The following PAQR8 variants were observed in gnomAD, a reference collection of about 807,000 sequenced individuals.
PAQR8 encodes the protein membrane progestin receptor beta.
Under a neutral mutation model 25.2 loss-of-function variants are expected in PAQR8, and 17 were observed. The observed-to-expected ratio is 0.67, with a 90% CI of 0.46 to 1.01. PAQR8 has a LOEUF of 1.01. PAQR8 is among the 50% of genes least tolerant of loss of function. The probability of loss-of-function intolerance (pLI) is 0.00; values close to 1 mark genes in which losing one functional copy is unlikely to be tolerated. For synonymous variants in PAQR8, 204 were observed against 190.6 expected, an observed-to-expected ratio of 1.07 and a Z score of -0.58; for missense variants, 392 against 448.4, an observed-to-expected ratio of 0.87 and a Z score of 1.14.
Position 52,403,915 on chromosome 6 carries a change from C to T in PAQR8, c.702C>T (p.Leu234=). 6.2e-7 allele frequency: 1 copy of T among 1,614,246 alleles called. No individual in the cohort carries two copies. Among genetic ancestry groups the T allele is most frequent in the Non-Finnish European group, 8.5e-7 (1 of 1,180,042 alleles). Residue 234 remains leucine, a synonymous_variant, in exon 2 of 2, where the codon CTC becomes CTT. Coordinates refer to ENST00000442253, the MANE Select transcript of PAQR8 (RefSeq NM_133367.5). ...DISPVAHRVA[L]CHLAGCQEQA... is the part of the protein sequence containing the mutation. ...GCCCTGTGGCACACCGTGTGGCGCT[C>T]TGTCACCTGGCTGGCTGCCAGGAGC...
rs1195906563 is a variant in PAQR8 at position 52,404,902 on chromosome 6, C to T, written c.*624C>T. Reference sequence around the variant, plus strand: ...TTTTCTCTGACGTGCTGTTCACTCACATCCCTACCTTGCATGGTAATATAA... The same window carrying T: ...TTTTCTCTGACGTGCTGTTCACTCATATCCCTACCTTGCATGGTAATATAA... On this transcript the variant is annotated 3_prime_UTR_variant, in exon 2 of 2. Coordinates refer to ENST00000442253, the MANE Select transcript of PAQR8 (RefSeq NM_133367.5). 1 of 167,316 alleles carries T rather than the reference C, an allele frequency of 6.0e-6. No individual in the cohort carries two copies. The highest frequency in any genetic ancestry group is 1.9e-4 in the East Asian group (1 of 5,208). The allele number at this position is 167,316 out of a possible 1,614,324, so 10.4% of individuals were successfully genotyped here.
Position 52,370,975 on chromosome 6 carries a change from G to A in PAQR8, c.-53+8726G>A, listed in dbSNP as rs534891601. Among the ~76,000 whole-genome samples the A allele has an allele frequency of 2.0e-5, 3 of 152,128 alleles. No individual in the cohort carries two copies. In the South Asian group the frequency reaches 6.2e-4, roughly 32 times the overall value. ...ACTCATTGAAAAATATTTTTCAAGG[G>A]TCTACTTTACTATATGCTTGGTTGG... On this transcript the variant is annotated intron_variant, in intron 1 of 1. Coordinates refer to ENST00000442253, the MANE Select transcript of PAQR8 (RefSeq NM_133367.5).
At chr6:52,364,121 C>T (rs1763325849) in intron 1 of PAQR8, among the ~76,000 whole-genome samples, 1 of 110,548 alleles carries the variant, frequency 9.0e-6, no homozygotes, top group Non-Finnish European at 1.8e-5. Context: ...TGTGTATGCA[C>T]CAGATTTCCT....
At chr6:52,386,792 C>G (rs1254476913) in intron 1 of PAQR8, among the ~76,000 whole-genome samples, 1 of 152,142 alleles carries the variant, frequency 6.6e-6, no homozygotes, top group Non-Finnish European at 1.5e-5. Flanking sequence ...TTGTAACAAA[C>G]CTGCACATAT....
At chr6:52,395,504 G>A (rs1562433281) in intron 1 of PAQR8, among the ~76,000 whole-genome samples, 2 of 152,134 alleles carry the variant, frequency 1.3e-5, no homozygotes, top group East Asian at 3.9e-4. Context: ...GTCCTCCATG[G>A]GCACTTCAAA....
At chr6:52,390,999 C>T (rs747494344) in intron 1 of PAQR8, among the ~76,000 whole-genome samples, 65 of 152,214 alleles carry the variant, frequency 4.3e-4, no homozygotes, top group Middle Eastern at 3.4e-3. Context: ...TTAAAAAGTA[C>T]GATAATGATA....
At chr6:52,378,574 C>T (rs1384113043) in intron 1 of PAQR8, among the ~76,000 whole-genome samples, 1 of 151,314 alleles carries the variant, frequency 6.6e-6, no homozygotes, top group East Asian at 1.9e-4. Flanking sequence ...GGGCGGATCA[C>T]GAGGTCAGGA....
At chr6:52,390,674 G>A (rs1763695827) in intron 1 of PAQR8, among the ~76,000 whole-genome samples, 1 of 152,134 alleles carries the variant, frequency 6.6e-6, no homozygotes, top group Admixed American at 6.6e-5. Flanking sequence ...CAATCTAAGA[G>A]AACATCTTTG....
At chr6:52,382,180 C>T (rs1479544412) in intron 1 of PAQR8, among the ~76,000 whole-genome samples, 4 of 152,124 alleles carry the variant, frequency 2.6e-5, no homozygotes, top group African/African-American at 9.7e-5. Flanking sequence ...TTAAGTGATA[C>T]AAACTGGAGG....
chr6:52,402,632 A>AAG (rs1554256639), intron 1 of PAQR8, among the ~76,000 whole-genome samples: 114 of 115,320 alleles, frequency 9.9e-4, no homozygotes, highest in African/African-American at 3.7e-3. Flanking sequence ...AAAAAAAAAA[A>AAG]AAAGAAAGAA....
chr6:52,381,284 C>G (rs781154591), intron 1 of PAQR8, among the ~76,000 whole-genome samples: 1 of 152,228 alleles, frequency 6.6e-6, no homozygotes, highest in Non-Finnish European at 1.5e-5. Context: ...CCTTTCTACA[C>G]TAATGGCAAC....
chr6:52,387,523 C>T (rs2113944599), intron 1 of PAQR8, among the ~76,000 whole-genome samples: 1 of 152,336 alleles, frequency 6.6e-6, no homozygotes, highest in East Asian at 1.9e-4. Context: ...GAATAACTTC[C>T]TTATGCAACC....
At chr6:52,394,445 A>G (rs1337380845) in intron 1 of PAQR8, among the ~76,000 whole-genome samples, 1 of 152,246 alleles carries the variant, frequency 6.6e-6, no homozygotes, top group African/African-American at 2.4e-5. Flanking sequence ...ATGATCCCCA[A>G]CTTAGGATGG....
chr6:52,391,271 C>T (rs1270362517), intron 1 of PAQR8, among the ~76,000 whole-genome samples: 2 of 152,132 alleles, frequency 1.3e-5, no homozygotes, highest in Non-Finnish European at 1.5e-5. Flanking sequence ...AGTGAAAAAC[C>T]AATGGAGCTC....
intron 1 of PAQR8, among the ~76,000 whole-genome samples, chr6:52,372,617 C>G (rs1763432627): frequency 6.6e-6 from 1 of 152,046 alleles, no homozygotes; most frequent in South Asian, 2.1e-4. Flanking sequence ...CTTTCTCTCT[C>G]TCTCTTAAAC....
intron 1 of PAQR8, among the ~76,000 whole-genome samples, chr6:52,395,572 G>T (rs1581796524): frequency 6.6e-6 from 1 of 152,198 alleles, no homozygotes; most frequent in Admixed American, 6.5e-5. Flanking sequence ...GCAGTATTAT[G>T]ATGATTCCCA....
intron 1 of PAQR8, among the ~76,000 whole-genome samples, chr6:52,364,098 T>TTTTTTTTTTTTTG (rs1763325016): frequency 6.8e-6 from 1 of 147,428 alleles, no homozygotes; most frequent in African/African-American, 2.5e-5. Flanking sequence ...TTTTTTTTTT[T>TTTTTTTTTTTTTG]TTTTTGCGGG....
At chr6:52,395,446 G>A (rs1763757183) in intron 1 of PAQR8, among the ~76,000 whole-genome samples, 1 of 152,084 alleles carries the variant, frequency 6.6e-6, no homozygotes, top group South Asian at 2.1e-4. Context: ...CCTTAAAGGA[G>A]ATAGGGGAGT....
chr6:52,402,617 CAA>C (rs5876274), intron 1 of PAQR8, among the ~76,000 whole-genome samples: 261 of 115,852 alleles, frequency 2.3e-3, no homozygotes, highest in Non-Finnish European at 2.7e-3. Context: ...AACTCTGTCT[CAA>C]AAAAAAAAAA....
Sources: allele counts gnomAD v4.1 joint callset (sites outside exome capture counted in the v4.1 genomes callset), GRCh38; gene constraint gnomAD v4.1.1; transcripts MANE v1.5; gene names NCBI Gene and HGNC (gene_info 2026-07-23, HGNC 2026-07-21).